FANCL: variants seen among roughly 807,000 people sequenced by gnomAD.
The protein encoded by FANCL is E3 ubiquitin-protein ligase FANCL.
Under a neutral mutation model 59.4 loss-of-function variants are expected in FANCL, and 69 were observed. That is an observed-to-expected ratio of 1.16 (90% CI 0.96 to 1.42). The LOEUF is 1.42. FANCL is among the 40% of genes most tolerant of loss of function. The probability of loss-of-function intolerance (pLI) is 0.00; values close to 1 mark genes in which losing one functional copy is unlikely to be tolerated. For missense variants in FANCL, 519 were observed against 447.2 expected (o/e 1.16, Z -1.45); for synonymous variants, 180 against 147.1 (o/e 1.22, Z -1.62).
intron 7 of FANCL, among the ~76,000 whole-genome samples, chr2:58,189,907 G>C (rs1688758192): frequency 6.6e-6 from 1 of 151,898 alleles, no homozygotes; most frequent in Admixed American, 6.6e-5. Context: ...AATACTTGCA[G>C]ATAAATCCCC....
At chr2:58,159,968 CAG>C (rs1395706626) in intron 13 of FANCL, 138 bp downstream of exon 13, 87 of 1,526,342 alleles carry the variant, frequency 5.7e-5, no homozygotes, top group Non-Finnish European at 7.5e-5. Context: ...TGTTTTTGAT[CAG>C]AGAATTTGAA....
chr2:58,226,575 G>A (rs957749731), intron 4 of FANCL, among the ~76,000 whole-genome samples, 153 bp downstream of exon 4: 2 of 151,944 alleles, frequency 1.3e-5, no homozygotes, highest in East Asian at 1.9e-4. Flanking sequence ...CAAGAAATGC[G>A]TCATCTATAT....
chr2:58,185,442 C>G (rs1688307267), intron 7 of FANCL, among the ~76,000 whole-genome samples: 1 of 152,146 alleles, frequency 6.6e-6, no homozygotes, highest in African/African-American at 2.4e-5. Flanking sequence ...ACTAGCATAT[C>G]TGACATTTAA....
chr2:58,224,487 C>A (rs1692785909), intron 4 of FANCL, among the ~76,000 whole-genome samples: 1 of 151,734 alleles, frequency 6.6e-6, no homozygotes, highest in African/African-American at 2.4e-5. Flanking sequence ...TAATTTTAAA[C>A]TATTATTCTA....
chr2:58,213,730 AAG>A (rs1022001162), intron 5 of FANCL: 1 of 132,474 alleles, frequency 7.5e-6, no homozygotes. Context: ...AAAAAAAAAA[AAG>A]AGAGGGAAAA....
chr2:58,166,213 T>A (rs549931661), intron 7 of FANCL, among the ~76,000 whole-genome samples: 2 of 152,188 alleles, frequency 1.3e-5, no homozygotes, highest in African/African-American at 4.8e-5. Context: ...GTACATGATA[T>A]AGCTAACATT....
chr2:58,211,652 T>C (rs1691173694), intron 5 of FANCL, among the ~76,000 whole-genome samples: 2 of 151,488 alleles, frequency 1.3e-5, no homozygotes. Flanking sequence ...TAAATGCTTT[T>C]AATAGCACCC....
chr2:58,163,302 C>A, intron 9 of FANCL, 132 bp downstream of exon 9: 1 of 776,540 alleles, frequency 1.3e-6, no homozygotes, highest in East Asian at 2.7e-5. Context: ...TACTGGGCAA[C>A]AAGAGCAAAA....
intron 1 of FANCL, among the ~76,000 whole-genome samples, chr2:58,240,858 T>C (rs1468976112): frequency 6.6e-6 from 1 of 151,130 alleles, no homozygotes; most frequent in Non-Finnish European, 1.5e-5. Context: ...TCCGTGGAGG[T>C]GGAGGGTGTT....
At chr2:58,223,445 G>A (rs1420248486) in intron 4 of FANCL, among the ~76,000 whole-genome samples, 3 of 151,884 alleles carry the variant, frequency 2.0e-5, no homozygotes, top group Non-Finnish European at 4.4e-5. Flanking sequence ...CACAAAAATT[G>A]AAGGTAAAAA....
At chr2:58,235,405 A>G (rs986832615) in intron 1 of FANCL, among the ~76,000 whole-genome samples, 3 of 152,138 alleles carry the variant, frequency 2.0e-5, no homozygotes, top group Admixed American at 6.5e-5. Context: ...AGTGCTCAGA[A>G]GGTGTTGCTT....
chr2:58,172,138 T>G (rs1009435842), intron 7 of FANCL, among the ~76,000 whole-genome samples: 4 of 152,234 alleles, frequency 2.6e-5, no homozygotes, highest in African/African-American at 9.6e-5. Context: ...CAAAGAGGCC[T>G]GCCTGCCTCT....
At chr2:58,213,391 G>C (rs2105217584) in intron 5 of FANCL, 1 of 152,252 alleles carries the variant, frequency 6.6e-6, no homozygotes, top group South Asian at 2.1e-4. Context: ...TAATTTAAGA[G>C]TTAAGCCATA....
chr2:58,227,692 G>A (rs971248846), intron 3 of FANCL, among the ~76,000 whole-genome samples: 4 of 152,082 alleles, frequency 2.6e-5, no homozygotes, highest in Non-Finnish European at 4.4e-5. Flanking sequence ...CTAGGGTCTC[G>A]GGTTTTTATA....
chr2:58,226,681 A>G, intron 4 of FANCL, 47 bp downstream of exon 4: 1 of 1,385,314 alleles, frequency 7.2e-7, no homozygotes, highest in East Asian at 2.3e-5. Context: ...AAAAGAAATC[A>G]AGACTTGCAG....
At chr2:58,162,757 T>A in intron 11 of FANCL, 109 bp downstream of exon 11, 2 of 959,968 alleles carry the variant, frequency 2.1e-6, no homozygotes, top group South Asian at 1.4e-5. Context: ...GTCTGTGTTA[T>A]AATATTTTTC....
chr2:58,221,057 C>T (rs1440773049), intron 5 of FANCL, among the ~76,000 whole-genome samples: 1 of 150,886 alleles, frequency 6.6e-6, no homozygotes, highest in Non-Finnish European at 1.5e-5. Context: ...ACTAAAAATA[C>T]AAAAAATTAG....
chr2:58,226,862 C>A (rs1693058044), intron 3 of FANCL, 78 bp from the exon 4 acceptor site: 1 of 1,200,970 alleles, frequency 8.3e-7, no homozygotes, highest in Non-Finnish European at 1.2e-6. Flanking sequence ...AAATGTAGGC[C>A]CAAGTGAATG....
intron 5 of FANCL, among the ~76,000 whole-genome samples, chr2:58,220,529 C>T (rs1226787879): frequency 1.6e-4 from 24 of 152,122 alleles, no homozygotes; most frequent in Non-Finnish European, 1.5e-5. Flanking sequence ...ATTTTTATCA[C>T]CTCTAGAAAC....
Sources: gnomAD v4.1 joint callset for allele counts (sites outside exome capture counted in the v4.1 genomes callset) on GRCh38, gnomAD v4.1.1 for gene constraint, MANE v1.5 for transcripts, NCBI Gene and HGNC (gene_info 2026-07-23, HGNC 2026-07-21) for gene names.